TRHDE: variants seen among roughly 807,000 people sequenced by gnomAD.
TRHDE encodes the protein thyrotropin releasing hormone degrading enzyme, also known as thyrotropin-releasing hormone-degrading ectoenzyme.
TRHDE carries 72 observed loss-of-function variants against 125.7 expected under a neutral mutation model. That is an observed-to-expected ratio of 0.57 (90% CI 0.47 to 0.70). The LOEUF is 0.70. TRHDE is among the 30% of genes least tolerant of loss of function. The pLI, the probability that TRHDE is intolerant of heterozygous loss-of-function variation, is 0.00. For missense variants in TRHDE, 1,110 were observed against 1,327.1 expected (o/e 0.84, Z 2.54); for synonymous variants, 509 against 509.1 (o/e 1.00, Z 0.00).
rs564775255 is a variant in TRHDE at position 72,220,873 on chromosome 12, T to A, written n.279+115121T>A. Among the ~76,000 whole-genome samples, 4 of 152,256 alleles carry A rather than the reference T, an allele frequency of 2.6e-5. No individual in the cohort carries two copies. In the East Asian group the frequency reaches 7.7e-4, roughly 29 times the overall value. On this transcript the variant is annotated intron_variant and non_coding_transcript_variant, in intron 2 of 4. Transcript: ENST00000548156. ...GGGTTTTTTTGTTGCCTTTCCTTAT[T>A]ATGAAAGTTAGTATAGGTGTGGTTG...
chr12:72,122,601 A>G (rs1875612737), intron 2 of TRHDE, among the ~76,000 whole-genome samples: 1 of 152,104 alleles, frequency 6.6e-6, no homozygotes, highest in African/African-American at 2.4e-5. Flanking sequence ...TGCTTTAGTA[A>G]AGAAGGTAAC....
chr12:72,567,743 C>T (rs988673662), intron 9 of TRHDE, among the ~76,000 whole-genome samples: 6 of 151,974 alleles, frequency 3.9e-5, no homozygotes, highest in Non-Finnish European at 8.8e-5. Context: ...TTGAAATAAT[C>T]TGGCTATATT....
At chr12:72,562,134 GAATTAC>G (rs1303708845) in intron 7 of TRHDE, 25 bp from the exon 8 acceptor site, 1 of 1,107,712 alleles carries the variant, frequency 9.0e-7, no homozygotes, top group Admixed American at 1.9e-5. Context: ...TTTAACCTTT[GAATTAC>G]AATTACAATT....
At chr12:72,519,517 G>T (rs1441216140) in intron 6 of TRHDE, among the ~76,000 whole-genome samples, 2 of 152,088 alleles carry the variant, frequency 1.3e-5, no homozygotes, top group African/African-American at 4.8e-5. Context: ...GCACTTCTGT[G>T]TATTGGTTAT....
intron 12 of TRHDE, among the ~76,000 whole-genome samples, chr12:72,588,649 G>A (rs1871543127): frequency 6.6e-6 from 1 of 152,128 alleles, no homozygotes; most frequent in Admixed American, 6.5e-5. Context: ...ATACTATGAG[G>A]GAATGAGTGT....
chr12:72,430,291 GTA>G (rs1263335636), intron 3 of TRHDE, among the ~76,000 whole-genome samples: 1 of 138,432 alleles, frequency 7.2e-6, no homozygotes, highest in Non-Finnish European at 1.5e-5. Flanking sequence ...TTGTGTGTGT[GTA>G]TATATGTATA....
chr12:72,637,132 C>T (rs1873793434), intron 15 of TRHDE, among the ~76,000 whole-genome samples: 2 of 152,088 alleles, frequency 1.3e-5, no homozygotes, highest in Admixed American at 6.5e-5. Flanking sequence ...CCATCTGGTC[C>T]CGGACTCTTT....
intron 3 of TRHDE, among the ~76,000 whole-genome samples, chr12:72,381,395 G>GTTT (rs61184961): frequency 8.0e-5 from 11 of 137,960 alleles, no homozygotes; most frequent in African/African-American, 8.0e-5. Context: ...AGATACGAAA[G>GTTT]TTTTTTTTTT....
intron 15 of TRHDE, among the ~76,000 whole-genome samples, 161 bp downstream of exon 15, chr12:72,621,912 T>A (rs937296466): frequency 6.6e-6 from 1 of 152,172 alleles, no homozygotes; most frequent in African/African-American, 2.4e-5. Context: ...GGCAATAGTG[T>A]GAAAGTCACA....
At chr12:72,182,876 T>A (rs1877122692) in intron 2 of TRHDE, among the ~76,000 whole-genome samples, 1 of 151,882 alleles carries the variant, frequency 6.6e-6, no homozygotes, top group African/African-American at 2.4e-5. Context: ...AAAGCAGGAG[T>A]CTGGGGCTGG....
intron 15 of TRHDE, among the ~76,000 whole-genome samples, chr12:72,643,956 CTG>C (rs1407859647): frequency 2.6e-5 from 4 of 152,158 alleles, no homozygotes; most frequent in Admixed American, 1.3e-4. Context: ...TGGTATTACT[CTG>C]TGGCTCACTG....
At chr12:72,535,592 CT>C (rs1026103233) in intron 6 of TRHDE, among the ~76,000 whole-genome samples, 1 of 151,692 alleles carries the variant, frequency 6.6e-6, no homozygotes, top group Non-Finnish European at 1.5e-5. Flanking sequence ...TTCTGCCTTT[CT>C]TTTTTGTAAT....
chr12:72,368,064 G>A (rs1055682626), intron 2 of TRHDE, among the ~76,000 whole-genome samples: 10 of 152,032 alleles, frequency 6.6e-5, no homozygotes, highest in South Asian at 2.1e-4. Flanking sequence ...ACTGTTTCAC[G>A]TGATTATATA....
At chr12:72,161,326 C>T (rs1407670564) in intron 2 of TRHDE, among the ~76,000 whole-genome samples, 5 of 151,314 alleles carry the variant, frequency 3.3e-5, no homozygotes, top group Admixed American at 6.6e-5. Flanking sequence ...CCAGCTACTT[C>T]GGAGGCTGAG....
chr12:72,336,412 C>T (rs909084890), intron 2 of TRHDE, among the ~76,000 whole-genome samples: 3 of 152,158 alleles, frequency 2.0e-5, no homozygotes, highest in Non-Finnish European at 4.4e-5. Context: ...CAAGGATTGT[C>T]CTCTCCATGA....
At chr12:72,504,454 C>T (rs1878280494) in intron 6 of TRHDE, among the ~76,000 whole-genome samples, 1 of 152,078 alleles carries the variant, frequency 6.6e-6, no homozygotes, top group Admixed American at 6.6e-5. Flanking sequence ...TGGGTGCCCA[C>T]CACCACGACT....
chr12:72,281,130 T>A (rs1200762541), intron 1 of TRHDE, among the ~76,000 whole-genome samples: 2 of 152,182 alleles, frequency 1.3e-5, no homozygotes, highest in Non-Finnish European at 2.9e-5. Context: ...CACCACTTCC[T>A]ACATACATAT....
At chr12:72,087,344 C>T (rs2139279806) in exon 1 of TRHDE, 1 of 152,248 alleles carries the variant, frequency 6.6e-6, no homozygotes, top group South Asian at 2.1e-4. Flanking sequence ...ACATTAGAGC[C>T]TGTTTGTTTG....
upstream of TRHDE, among the ~76,000 whole-genome samples, chr12:72,269,849 A>G (rs1447753729): frequency 1.3e-5 from 2 of 152,186 alleles, no homozygotes; most frequent in African/African-American, 4.8e-5. Flanking sequence ...AGACAAACAG[A>G]AAAAGCCTTC....
Sources: gnomAD v4.1 joint callset for allele counts (sites outside exome capture counted in the v4.1 genomes callset) on GRCh38, gnomAD v4.1.1 for gene constraint, MANE v1.5 for transcripts, NCBI Gene and HGNC (gene_info 2026-07-23, HGNC 2026-07-21) for gene names.